Variants in RAP1GAP2 observed in about 807,000 individuals in gnomAD.
The protein encoded by RAP1GAP2 is RAP1 GTPase activating protein 2.
A neutral mutation model predicts 95.0 loss-of-function variants in RAP1GAP2; 27 were observed. That is an observed-to-expected ratio of 0.28 (90% confidence interval 0.21 to 0.39). The LOEUF (loss-of-function observed/expected upper bound fraction) is 0.39. RAP1GAP2 is among the 10% of genes least tolerant of loss of function. RAP1GAP2 has a pLI of 1.00. For missense variants in RAP1GAP2, 771 were observed against 970.0 expected, an observed-to-expected ratio of 0.79 and a Z score of 2.72; for synonymous variants, 373 against 380.9, an observed-to-expected ratio of 0.98 and a Z score of 0.24.
In RAP1GAP2 at chr17:3,037,115, CCG is replaced by C. The variant is rs2047485738; in HGVS notation, c.*3756_*3757del. On this transcript the variant is annotated 3_prime_UTR_variant, in exon 25 of 25. Transcript: ENST00000254695. ...TATTCTTTTACCAAACTCTGTTTTA[CCG>C]CCAGCCCCTTGTACACCCCAATCCC... 1 of 152,546 alleles carries C rather than the reference CCG, an allele frequency of 6.6e-6. No homozygotes were observed. Among genetic ancestry groups the C allele is most frequent in the Admixed American group, 6.5e-5 (1 of 15,274 alleles). 9.4% of individuals were successfully genotyped at this position (152,546 alleles called of 1,614,324 possible).
At chr17:2,806,723 A>G (rs2069537542) in intron 2 of RAP1GAP2, among the ~76,000 whole-genome samples, 1 of 139,984 alleles carries the variant, frequency 7.1e-6, no homozygotes, top group Non-Finnish European at 1.5e-5. Context: ...ATTTATTATT[A>G]TTATTTTTGA....
intron 2 of RAP1GAP2, among the ~76,000 whole-genome samples, chr17:2,856,806 G>C (rs1209100456): frequency 6.6e-6 from 1 of 152,224 alleles, no homozygotes; most frequent in African/African-American, 2.4e-5. Flanking sequence ...CTAGCCCCTG[G>C]CTTCATCCCG....
At chr17:2,767,327 A>G (rs2068294304) in intron 1 of RAP1GAP2, among the ~76,000 whole-genome samples, 1 of 127,704 alleles carries the variant, frequency 7.8e-6, no homozygotes, top group Non-Finnish European at 1.6e-5. Context: ...ATGCCACTGC[A>G]CTCCAGCCTG....
At chr17:2,999,970 C>T (rs1218597993) in intron 14 of RAP1GAP2, among the ~76,000 whole-genome samples, 12 of 152,144 alleles carry the variant, frequency 7.9e-5, no homozygotes, top group Admixed American at 7.2e-4. Flanking sequence ...CTTTTTGAGA[C>T]AGAGTCTTGC....
chr17:2,791,268 G>A (rs966453100), intron 1 of RAP1GAP2, among the ~76,000 whole-genome samples: 1 of 152,076 alleles, frequency 6.6e-6, no homozygotes, highest in African/African-American at 2.4e-5. Flanking sequence ...CCTGGGGTTG[G>A]GACTCTGGCT....
At chr17:2,761,938 CGTCGGG>C (rs1473988224) in intron 1 of RAP1GAP2, among the ~76,000 whole-genome samples, 2 of 147,480 alleles carry the variant, frequency 1.4e-5, no homozygotes, top group South Asian at 2.2e-4. Context: ...TGGCTGATGA[CGTCGGG>C]CATCTTTTCA....
At chr17:2,875,106 G>A (rs1025188729) in intron 2 of RAP1GAP2, among the ~76,000 whole-genome samples, 6 of 152,196 alleles carry the variant, frequency 3.9e-5, no homozygotes, top group African/African-American at 9.6e-5. Flanking sequence ...TGCTCTTGAC[G>A]CCCAGGCTAG....
intron 2 of RAP1GAP2, among the ~76,000 whole-genome samples, chr17:2,889,880 TATA>T (rs1212331418): frequency 3.0e-4 from 25 of 82,012 alleles, no homozygotes; most frequent in African/African-American, 1.3e-3. Context: ...TATATATATA[TATA>T]TATATATTTT....
intron 2 of RAP1GAP2, among the ~76,000 whole-genome samples, chr17:2,851,053 C>T (rs903636072): frequency 2.1e-5 from 3 of 145,528 alleles, no homozygotes; most frequent in Non-Finnish European, 4.5e-5. Context: ...AGCAAAACAA[C>T]GTCTCAAGAA....
chr17:2,995,789 C>T (rs148637305), intron 13 of RAP1GAP2, among the ~76,000 whole-genome samples: 15 of 152,178 alleles, frequency 9.9e-5, no homozygotes, highest in African/African-American at 3.1e-4. Flanking sequence ...TGAGGTTTCT[C>T]CGTTTATCAG....
At chr17:2,789,023 A>G (rs1460043000) in intron 1 of RAP1GAP2, among the ~76,000 whole-genome samples, 2 of 152,126 alleles carry the variant, frequency 1.3e-5, no homozygotes, top group African/African-American at 4.8e-5. Flanking sequence ...CTACACATTA[A>G]TGGGACGCCC....
intron 2 of RAP1GAP2, among the ~76,000 whole-genome samples, chr17:2,832,557 C>CAAAAAAA (rs35663343): frequency 1.3e-5 from 1 of 76,756 alleles, no homozygotes. Flanking sequence ...GACTCCATCT[C>CAAAAAAA]AAAAAAAAAA....
At chr17:3,032,482 AG>A (rs914476831) in intron 24 of RAP1GAP2, 33 bp downstream of exon 24, 33 of 1,594,824 alleles carry the variant, frequency 2.1e-5, no homozygotes, top group African/African-American at 6.7e-5. Context: ...TGTGGCCGTG[AG>A]GGGGGACGTG....
chr17:3,032,824 G>A (rs1397655207), intron 24 of RAP1GAP2, among the ~76,000 whole-genome samples: 2 of 152,152 alleles, frequency 1.3e-5, no homozygotes, highest in African/African-American at 4.8e-5. Flanking sequence ...TGTGTCTTTG[G>A]CGGAGGCCCT....
intron 17 of RAP1GAP2, among the ~76,000 whole-genome samples, chr17:3,011,368 C>G (rs183476872): frequency 6.6e-6 from 1 of 152,202 alleles, no homozygotes; most frequent in Non-Finnish European, 1.5e-5. Context: ...AGCCCTGGGG[C>G]CTGGGGTGGA....
At position 2,908,051 on chromosome 17, in the gene RAP1GAP2, C is replaced by T. The variant is rs564883892; in HGVS notation, c.165+2683C>T. Among the ~76,000 whole-genome samples the T allele has an allele frequency of 5.3e-5, 8 of 152,060 alleles. No homozygotes were observed. In the East Asian group the frequency reaches 7.7e-4, roughly 15 times the overall value. The stretch of plus-strand genomic sequence containing the variant: ...CGAACTCCTGACCTCGTGATGCGCC[C>T]GCCTCGGCCTCCCAAAGTGCTGGGA... On this transcript the variant is annotated intron_variant, in intron 3 of 24. Transcript: ENST00000254695.
chr17:2,998,449 A>C, intron 14 of RAP1GAP2, 73 bp downstream of exon 14: 1 of 1,524,194 alleles, frequency 6.6e-7, no homozygotes, highest in South Asian at 1.2e-5. Context: ...GTGATATCAG[A>C]GGACACTAGT....
chr17:2,802,111 A>G (rs549780075), intron 2 of RAP1GAP2, among the ~76,000 whole-genome samples: 1 of 152,222 alleles, frequency 6.6e-6, no homozygotes, highest in African/African-American at 2.4e-5. Context: ...AATTCCTCCA[A>G]TGAATCGCCC....
intron 2 of RAP1GAP2, among the ~76,000 whole-genome samples, chr17:2,873,958 G>T (rs371863722): frequency 1.6e-3 from 240 of 151,658 alleles, no homozygotes; most frequent in Middle Eastern, 3.4e-3. Context: ...GACGCGGTGG[G>T]GGGGGGCGGG....
Sources: allele counts gnomAD v4.1 joint callset (sites outside exome capture counted in the v4.1 genomes callset), GRCh38; gene constraint gnomAD v4.1.1; transcripts MANE v1.5; gene names NCBI Gene and HGNC (gene_info 2026-07-23, HGNC 2026-07-21).